USP24: variants seen among roughly 807,000 people sequenced by gnomAD.
USP24 encodes ubiquitin carboxyl-terminal hydrolase 24.
In USP24, 97 loss-of-function variants were observed where a neutral mutation model predicts 361.6. The ratio of observed to expected loss-of-function variants is 0.27; its 90% CI spans 0.23 to 0.32. USP24 has a LOEUF of 0.32. Ranked by LOEUF, USP24 falls within the 10% of genes least tolerant of loss-of-function variation. The pLI is 1.00. For missense variants in USP24, 2,353 were observed against 3,165.6 expected (o/e 0.74, Z 6.16); for synonymous variants, 1,098 against 1,124.6 (o/e 0.98, Z 0.47).
At chr1:55,191,205 T>C (rs960384616) in intron 1 of USP24, among the ~76,000 whole-genome samples, 4 of 152,208 alleles carry the variant, frequency 2.6e-5, no homozygotes, top group Non-Finnish European at 4.4e-5. Flanking sequence ...AACTAATGTG[T>C]TCAATTATGA....
In USP24 at chr1:55,151,211, C is replaced by G. The variant is rs376558417; in HGVS notation, c.1861-2641G>C. Reference sequence around the variant, plus strand: ...AAAAGCTTTCACATTTTCTTGAGTTCTCTCTTCTCAAAGTTGAACATCCCC... The same window carrying G: ...AAAAGCTTTCACATTTTCTTGAGTTGTCTCTTCTCAAAGTTGAACATCCCC... On this transcript the variant is annotated intron_variant, in intron 16 of 67. Transcript: ENST00000294383. Among the ~76,000 whole-genome samples, 7 of 152,284 alleles carry G rather than the reference C, an allele frequency of 4.6e-5. No individual in the cohort carries two copies. In the East Asian group the frequency reaches 9.6e-4, roughly 21 times the overall value.
intron 1 of USP24, among the ~76,000 whole-genome samples, chr1:55,203,590 C>T (rs76230604): frequency 0.027 from 4,068 of 152,274 alleles, 137 homozygotes; most frequent in African/African-American, 0.073. Flanking sequence ...AATTAATATT[C>T]GTCTCCCATA....
intron 24 of USP24, among the ~76,000 whole-genome samples, chr1:55,140,208 C>T (rs541477662): frequency 2.6e-5 from 4 of 152,026 alleles, no homozygotes; most frequent in Admixed American, 1.3e-4. Flanking sequence ...GAATAAAAAG[C>T]ACTTAGTAAA....
chr1:55,100,714 C>A (rs1645611880), intron 44 of USP24, 125 bp downstream of exon 44: 2 of 1,076,140 alleles, frequency 1.9e-6, no homozygotes, highest in African/African-American at 3.4e-5. Context: ...ATACCAAATC[C>A]TTTTACAGTT....
In USP24 at chr1:55,100,919, C is replaced by T. The variant is rs370231744; in HGVS notation, c.5191G>A (p.Val1731Met). ...AAGAGAGACTGCACTTGGTAAAACA[C>T]GCTATCATCTGGATTGTCTGTGTCA... ...DDDTDNPDDS[V>M]FYQVQSLFGH... Residue 1731 changes from valine to methionine, a missense_variant, in exon 44 of 68, where the codon GTG becomes ATG. By Grantham distance (21) the Val-to-Met change is conservative (BLOSUM62 1). Transcript: ENST00000294383. 24 of 1,613,438 alleles carry T rather than the reference C, an allele frequency of 1.5e-5. No individual in the cohort carries two copies. Among genetic ancestry groups the T allele is most frequent in the African/African-American group, 4.0e-5 (3 of 74,886 alleles).
chr1:55,083,299 G>A lies in USP24; in HGVS notation c.6948C>T (p.Leu2316=). Residue 2316 remains leucine (L), a synonymous_variant, in exon 58 of 68, where the codon CTC becomes CTT. Transcript: ENST00000294383. ...GATTGTTTTGCCGACTGGCCCCTAG[G>A]AGGAAGCTGATCATGTGCCGCAGAG... The part of the protein sequence containing the change: ...HSALRHMISF[L]LGASRQNNQI... 6.2e-7 allele frequency: 1 copy of A among 1,613,728 alleles called. No homozygotes were observed. Among genetic ancestry groups the A allele is most frequent in the Non-Finnish European group, 8.5e-7 (1 of 1,179,712 alleles).
chr1:55,110,286 A>T (rs757305846), intron 38 of USP24, 40 bp from the exon 39 acceptor site: 13 of 1,455,736 alleles, frequency 8.9e-6, no homozygotes, highest in Non-Finnish European at 9.2e-7. Flanking sequence ...TAAGAGGCTG[A>T]TTTGAAAATA....
Position 55,085,702 on chromosome 1 carries a change from G to A in USP24, c.6765+240C>T, listed in dbSNP as rs571473725. 8.5e-5 allele frequency among the ~76,000 whole-genome samples: 13 copies of A among 152,338 alleles called. 1 individual carries two copies. In the South Asian group the frequency reaches 2.7e-3, roughly 32 times the overall value. On this transcript the variant is annotated intron_variant, in intron 56 of 67. Transcript: ENST00000294383. ...ACTCTGAAAAGGGAGTGTTTCTAGA[G>A]AGAAAATCCCAACGCAGACCAAAGC...
At position 55,157,067 on chromosome 1, in the gene USP24, T is replaced by C. The variant is rs888649616; in HGVS notation, c.1343-16A>G. On this transcript the variant is annotated splice_polypyrimidine_tract_variant and intron_variant, in intron 11 of 67. Transcript: ENST00000294383. The stretch of plus-strand genomic sequence containing the variant: ...TCTATGTTGCCTAATTGAAGAAACA[T>C]GAGAGAGAAAGTCAGATATAGTGAA... 6.2e-7 allele frequency: 1 copy of C among 1,600,530 alleles called. No individual in the cohort carries two copies. Among genetic ancestry groups the C allele is most frequent in the Non-Finnish European group, 8.5e-7 (1 of 1,170,110 alleles).
rs114748232 is a variant in USP24 at position 55,168,966 on chromosome 1, T to A, written c.826-2363A>T. Among the ~76,000 whole-genome samples, 57 of 151,898 alleles carry A rather than the reference T, an allele frequency of 3.8e-4. 1 individual carries two copies. Among genetic ancestry groups the A allele is most frequent in the African/African-American group, 1.3e-3 (55 of 41,316 alleles). On this transcript the variant is annotated intron_variant, in intron 5 of 67. Transcript: ENST00000294383. ...ACAGAAAAATGAACAAACAAATAAG[T>A]ATACATATATTTCCATACACCTACA...
chr1:55,132,443 C>T, intron 31 of USP24, 102 bp downstream of exon 31: 2 of 1,362,858 alleles, frequency 1.5e-6, no homozygotes, highest in Non-Finnish European at 9.9e-7. Context: ...CCAATCATCA[C>T]ATAACAGAAA....
Position 55,137,821 on chromosome 1 carries a change from A to G in USP24, c.3012T>C (p.Phe1004=). The G allele has an allele frequency of 6.3e-7, 1 of 1,588,164 alleles. No individual in the cohort carries two copies. Among genetic ancestry groups the G allele is most frequent in the East Asian group, 2.3e-5 (1 of 43,698 alleles). ...TTAAACCTACCAGGCTATCATTTGT[A>G]AATATCTGTATATTATCCACAGGAG... is the stretch of plus-strand genomic sequence containing the variant. ...LCSPVDNIQI[F]TNDSLLTVNK... Residue 1004 remains phenylalanine, a synonymous_variant, in exon 27 of 68, where the codon TTT becomes TTC. Transcript: ENST00000294383.
chr1:55,075,569 G>A, intron 62 of USP24, 46 bp from the exon 63 acceptor site: 1 of 1,458,728 alleles, frequency 6.9e-7, no homozygotes, highest in Non-Finnish European at 9.4e-7. Context: ...GAAGGAACTT[G>A]TCATAGCCAC....
intron 26 of USP24, 23 bp from the exon 27 acceptor site, chr1:55,137,927 T>A: frequency 6.4e-7 from 1 of 1,550,628 alleles, no homozygotes; most frequent in Non-Finnish European, 8.7e-7. Flanking sequence ...ATTAAACACG[T>A]TGTGAGAGAA....
intron 32 of USP24, among the ~76,000 whole-genome samples, chr1:55,128,994 A>T (rs1646517403): frequency 6.6e-6 from 1 of 152,130 alleles, no homozygotes; most frequent in Non-Finnish European, 1.5e-5. Flanking sequence ...TGTTGGGATT[A>T]CAGGCATGAA....
In USP24 at chr1:55,172,410, T is replaced by A; in HGVS notation, c.669A>T (p.Pro223=). 1 of 1,613,268 alleles carries A rather than the reference T, an allele frequency of 6.2e-7. No individual in the cohort carries two copies. Among genetic ancestry groups the A allele is most frequent in the Non-Finnish European group, 8.5e-7 (1 of 1,179,544 alleles). ...ELVAERIKQD[P]IPTGLLGVLT... is the part of the protein sequence containing the mutation. ...GCACACCCAGGAGACCAGTGGGAAT[T>A]GGATCTTGTTTTATTCTCTCTGCGA... Residue 223 remains proline (P), a synonymous_variant, in exon 4 of 68, where the codon CCA becomes CCT. Coordinates refer to ENST00000294383, the MANE Select transcript of USP24 (RefSeq NM_015306.3).
intron 1 of USP24, among the ~76,000 whole-genome samples, chr1:55,193,629 G>C (rs1338938244): frequency 6.6e-6 from 1 of 152,148 alleles, no homozygotes; most frequent in African/African-American, 2.4e-5. Flanking sequence ...AGGGGATTGA[G>C]ATAAATTCAG....
At chr1:55,136,281 G>C (rs889287774) in intron 28 of USP24, among the ~76,000 whole-genome samples, 3 of 152,152 alleles carry the variant, frequency 2.0e-5, no homozygotes, top group African/African-American at 7.2e-5. Flanking sequence ...GCTATTTGAG[G>C]ACCAACATGG....
At chr1:55,157,851 A>G (rs1647846709) in intron 10 of USP24, among the ~76,000 whole-genome samples, 1 of 151,614 alleles carries the variant, frequency 6.6e-6, no homozygotes, top group Non-Finnish European at 1.5e-5. Context: ...AAAAAAAAAA[A>G]GAACATGGAG....
Sources: allele counts gnomAD v4.1 joint callset (sites outside exome capture counted in the v4.1 genomes callset), GRCh38; gene constraint gnomAD v4.1.1; transcripts MANE v1.5; gene names NCBI Gene and HGNC (gene_info 2026-07-23, HGNC 2026-07-21).